Variants in DLGAP3 observed in about 807,000 individuals in gnomAD.
DLGAP3 encodes the protein DLG associated protein 3, also known as disks large-associated protein 3.
Under a neutral mutation model 81.2 loss-of-function variants are expected in DLGAP3, and 17 were observed. That is an observed-to-expected ratio of 0.21 (90% CI 0.14 to 0.31). The LOEUF (loss-of-function observed/expected upper bound fraction) is 0.31. Among genes scored for constraint, DLGAP3 ranks in the 10% least tolerant of loss-of-function variants. The pLI is 1.00. For synonymous variants in DLGAP3, 577 were observed against 587.4 expected (o/e 0.98, Z 0.26); for missense variants, 1,124 against 1,388.0 (o/e 0.81, Z 3.02).
intron 1 of DLGAP3, among the ~76,000 whole-genome samples, chr1:34,927,982 C>G (rs1036857367): frequency 3.3e-5 from 5 of 152,114 alleles, no homozygotes; most frequent in Admixed American, 2.6e-4. Flanking sequence ...TTGGTTGAAC[C>G]ATATGAAATT....
intron 1 of DLGAP3, among the ~76,000 whole-genome samples, chr1:34,924,491 G>C (rs1026139492): frequency 6.6e-6 from 1 of 152,202 alleles, no homozygotes; most frequent in Non-Finnish European, 1.5e-5. Context: ...CCCAAAGTAT[G>C]ATGGGCAAGG....
At chr1:34,910,089 G>C (rs961783104) in intron 1 of DLGAP3, among the ~76,000 whole-genome samples, 1 of 152,168 alleles carries the variant, frequency 6.6e-6, no homozygotes, top group Non-Finnish European at 1.5e-5. Context: ...TACAACCAGA[G>C]CTAGGGCCGC....
intron 7 of DLGAP3, 70 bp from the exon 8 acceptor site, chr1:34,885,133 T>A: frequency 1.4e-6 from 2 of 1,415,992 alleles, no homozygotes; most frequent in Non-Finnish European, 2.0e-6. Flanking sequence ...GGAGAACGGC[T>A]AGCAATGGCT....
In DLGAP3 at chr1:34,910,330, G is replaced by T. The variant is rs887722002; in HGVS notation, c.-134-2893C>A. On this transcript the variant is annotated intron_variant, in intron 1 of 11. Coordinates refer to ENST00000373347, the MANE Select transcript of DLGAP3 (RefSeq NM_001080418.3). Reference sequence around the variant, plus strand: ...CCATCTCCTGCCTGCATGTCTGCACGTCTTCTCCTAACTGGTCTCCCTGCT... The same window carrying T: ...CCATCTCCTGCCTGCATGTCTGCACTTCTTCTCCTAACTGGTCTCCCTGCT... Among the ~76,000 whole-genome samples the T allele has an allele frequency of 2.6e-5, 4 of 152,286 alleles. No individual in the cohort carries two copies. In the East Asian group the frequency reaches 7.7e-4, roughly 29 times the overall value.
chr1:34,893,765 G>C (rs1297630644), intron 5 of DLGAP3, among the ~76,000 whole-genome samples: 2 of 152,126 alleles, frequency 1.3e-5, no homozygotes, highest in African/African-American at 4.8e-5. Context: ...AAATTGTATA[G>C]TAAAAAATTA....
intron 7 of DLGAP3, 54 bp downstream of exon 7, chr1:34,885,424 C>G: frequency 6.3e-7 from 1 of 1,584,024 alleles, no homozygotes; most frequent in Non-Finnish European, 8.6e-7. Context: ...GCCCCTCACC[C>G]CAGCCCCGAC....
chr1:34,897,698 T>G (rs1325677498), intron 5 of DLGAP3, among the ~76,000 whole-genome samples: 2 of 152,066 alleles, frequency 1.3e-5, no homozygotes, highest in South Asian at 2.1e-4. Context: ...TGAGAGAGGA[T>G]GAAGTGGAGC....
Position 34,885,734 on chromosome 1 carries a change from C to T in DLGAP3, c.1658G>A (p.Arg553His), listed in dbSNP as rs867129104. 1.4e-6 allele frequency: 2 copies of T among 1,413,990 alleles called. No individual in the cohort carries two copies. The highest frequency in any genetic ancestry group is 9.2e-7 in the Non-Finnish European group (1 of 1,092,092). 87.6% of individuals were successfully genotyped at this position (1,413,990 alleles called of 1,614,324 possible). Residue 553 changes from arginine (R) to histidine (H), a missense_variant, in exon 7 of 12, where the codon CGC becomes CAC. Around this residue, in one of 9 missense-constraint regions of DLGAP3, gnomAD observed 379 missense variants for 455.7 expected, o/e 0.83. Coordinates refer to ENST00000373347, the MANE Select transcript of DLGAP3 (RefSeq NM_001080418.3). ...GCTGCTCTGGGCGGTGATGGAGATG[C>T]GGGGCGGGGCCTGGCTTCCCGGCGG... ...PIPPGSQAPP[R>H]ISITAQSSTD...
At position 34,868,825 on chromosome 1, in the gene DLGAP3, C is replaced by T. The variant is rs759780621; in HGVS notation, c.2265G>A (p.Ser755=). The T allele has an allele frequency of 3.8e-5, 60 of 1,579,598 alleles. No homozygotes were observed. The highest frequency in any genetic ancestry group is 4.8e-5 in the Non-Finnish European group (56 of 1,168,162). The part of the protein sequence containing the change: ...LPYEPPATDG[S]PGPAPAPTPG... ...GGGTGGGGGCGGGGGCAGGGCCGGG[C>T]GACCCATCGGTGGCCGGCGGCTCGT... is the stretch of plus-strand genomic sequence containing the variant. The change falls in exon 9 of 12, where the codon TCG becomes TCA. Residue 755 remains serine (S), a synonymous_variant. Transcript: ENST00000373347. The surrounding 1 kb of genome is among the most constrained non-coding windows in gnomAD (Gnocchi z 7.5).
chr1:34,906,575 C>T (rs1182356808), intron 2 of DLGAP3, among the ~76,000 whole-genome samples: 2 of 152,156 alleles, frequency 1.3e-5, no homozygotes, highest in African/African-American at 4.8e-5. Context: ...AATATTTTCC[C>T]TATGAAATTA....
At chr1:34,870,639 C>T (rs1355035911) in intron 8 of DLGAP3, among the ~76,000 whole-genome samples, 1 of 152,210 alleles carries the variant, frequency 6.6e-6, no homozygotes, top group Non-Finnish European at 1.5e-5. Flanking sequence ...CCAACGAGCC[C>T]TATGTCCCAA....
Position 34,902,405 on chromosome 1 carries a change from G to T in DLGAP3, c.1107+1872C>A, listed in dbSNP as rs1175119625. 6.6e-6 allele frequency among the ~76,000 whole-genome samples: 1 copy of T among 152,116 alleles called. No individual in the cohort carries two copies. The highest frequency in any genetic ancestry group is 2.4e-5 in the African/African-American group (1 of 41,404). On this transcript the variant is annotated intron_variant, in intron 3 of 11. Transcript: ENST00000373347. The surrounding 1 kb of genome is among the most constrained non-coding windows in gnomAD (Gnocchi z 4.4). ...GATGAGGCTCCATAAAGAAACAGGG[G>T]CTCAGAGTGGACAGAGGGATCCTGG...
In DLGAP3 at chr1:34,899,885, AC is replaced by A. The variant is rs528383724; in HGVS notation, c.1314-145del. 2.9e-3 allele frequency: 2,638 copies of A among 924,546 alleles called. 8 individuals are homozygous for A. The highest frequency in any genetic ancestry group is 3.6e-3 in the Non-Finnish European group (2,145 of 589,744). The allele number at this position is 924,546 out of a possible 1,614,324, so 57.3% of individuals were successfully genotyped here. Reference sequence around the variant, plus strand: ...CCCTTAGGAGACCCTGGGTAAAGAGACTCCCAAAGAGGCACCAGAGAAGGAC... The same window carrying A: ...CCCTTAGGAGACCCTGGGTAAAGAGATCCCAAAGAGGCACCAGAGAAGGAC... On this transcript the variant is annotated intron_variant, in intron 4 of 11. Coordinates refer to ENST00000373347, the MANE Select transcript of DLGAP3 (RefSeq NM_001080418.3).
intron 1 of DLGAP3, among the ~76,000 whole-genome samples, chr1:34,924,100 G>T (rs531568282): frequency 6.6e-6 from 1 of 152,154 alleles, no homozygotes; most frequent in African/African-American, 2.4e-5. Flanking sequence ...CAAGGGAAGG[G>T]ACCTTAAGAA....
chr1:34,879,635 A>C (rs957309780), intron 8 of DLGAP3, among the ~76,000 whole-genome samples: 2 of 152,220 alleles, frequency 1.3e-5, no homozygotes, highest in Non-Finnish European at 2.9e-5. Context: ...GCAAATTTAG[A>C]AATCAATAAT....
In DLGAP3 at chr1:34,882,162, CAACATACAA is replaced by C. The variant is rs1639155338; in HGVS notation, c.2000+2807_2000+2815del. Among the ~76,000 whole-genome samples the C allele has an allele frequency of 7.9e-5, 12 of 152,256 alleles. No individual in the cohort carries two copies. The South Asian group carries it at 2.1e-3, about 26-fold the overall frequency. ...GCAGCAACGTTACTGAATACAAAAT[CAACATACAA>C]AACATACAAAACCTAACAGTAGAGG... On this transcript the variant is annotated intron_variant, in intron 8 of 11. Coordinates refer to ENST00000373347, the MANE Select transcript of DLGAP3 (RefSeq NM_001080418.3).
At position 34,868,614 on chromosome 1, in the gene DLGAP3, G is replaced by A. The variant is rs372589635; in HGVS notation, c.2476C>T (p.Pro826Ser). 6.2e-6 allele frequency: 10 copies of A among 1,612,666 alleles called. No homozygotes were observed. Among genetic ancestry groups the A allele is most frequent in the South Asian group, 2.2e-5 (2 of 91,082 alleles). Residue 826 changes from proline (P) to serine (S), a missense_variant, in exon 9 of 12, where the codon CCC (proline) becomes TCC (serine). Physicochemically the swap from Pro to Ser is moderately conservative, Grantham distance 74 (BLOSUM62 -1). Transcript: ENST00000373347. The surrounding 1 kb of genome is among the most constrained non-coding windows in gnomAD (Gnocchi z 7.5). ...MEREAEDYEL[P>S]EEILEKIRSA... ...CGATGCCGTGACTCACTCTCCTCGG[G>A]TAGCTCATAGTCCTCCGCCTCACGC...
chr1:34,907,909 C>T (rs931076598), intron 1 of DLGAP3, among the ~76,000 whole-genome samples: 4 of 152,162 alleles, frequency 2.6e-5, no homozygotes, highest in African/African-American at 9.7e-5. Context: ...CTAACTCTTC[C>T]CTCCTCCTAG....
chr1:34,920,756 C>T (rs774216233), intron 1 of DLGAP3, among the ~76,000 whole-genome samples: 3 of 152,168 alleles, frequency 2.0e-5, no homozygotes, highest in Admixed American at 6.5e-5. Context: ...CGACTGCCTA[C>T]TCCAAGCTGA....
Sources: gnomAD v4.1 joint callset for allele counts (sites outside exome capture counted in the v4.1 genomes callset) on GRCh38, gnomAD v4.1.1 for gene constraint, gnomAD v4.1.1 regional missense constraint, Gnocchi (gnomAD v3.1) non-coding constraint, MANE v1.5 for transcripts, NCBI Gene and HGNC (gene_info 2026-07-23, HGNC 2026-07-21) for gene names.